Variants in LPP observed in about 807,000 individuals in gnomAD.
LPP encodes LIM domain containing preferred translocation partner in lipoma.
Under a neutral mutation model 60.4 loss-of-function variants are expected in LPP, and 38 were observed. That is an observed-to-expected ratio of 0.63 (90% CI 0.49 to 0.83). The LOEUF is 0.83. Ranked by LOEUF, LPP falls within the 40% of genes least tolerant of loss-of-function variation. The pLI is 0.00. For synonymous variants in LPP, 328 were observed against 290.8 expected (o/e 1.13, Z -1.30); for missense variants, 902 against 783.6 (o/e 1.15, Z -1.80).
intron 4 of LPP, among the ~76,000 whole-genome samples, chr3:188,481,812 G>C (rs1804859276): frequency 6.6e-6 from 1 of 152,178 alleles, no homozygotes; most frequent in African/African-American, 2.4e-5. Flanking sequence ...GTTCAGTTCT[G>C]ATACTGTCTG....
chr3:188,682,499 T>G (rs1404636609), intron 7 of LPP, among the ~76,000 whole-genome samples: 1 of 152,222 alleles, frequency 6.6e-6, no homozygotes, highest in Non-Finnish European at 1.5e-5. Flanking sequence ...CTATCAGGGC[T>G]GTGTCTTGGT....
intron 8 of LPP, among the ~76,000 whole-genome samples, chr3:188,716,562 G>A (rs1168579320): frequency 6.6e-6 from 1 of 152,178 alleles, no homozygotes; most frequent in African/African-American, 2.4e-5. Context: ...TATGGAGAGA[G>A]GAAAACCTAG....
chr3:188,160,144 T>A (rs2148686956), intron 1 of LPP, among the ~76,000 whole-genome samples: 1 of 152,188 alleles, frequency 6.6e-6, no homozygotes. Context: ...ACTCCTGACC[T>A]CGTGATCCAC....
At chr3:188,655,831 C>T (rs1853066586) in intron 7 of LPP, among the ~76,000 whole-genome samples, 1 of 152,056 alleles carries the variant, frequency 6.6e-6, no homozygotes, top group African/African-American at 2.4e-5. Context: ...CTACCATATG[C>T]AGCTCTTACC....
At chr3:188,483,051 G>C (rs556427824) in intron 4 of LPP, among the ~76,000 whole-genome samples, 50 of 152,266 alleles carry the variant, frequency 3.3e-4, no homozygotes, top group Admixed American at 9.8e-4. Context: ...AGCTTTAAGG[G>C]TTGTTGTATG....
intron 9 of LPP, among the ~76,000 whole-genome samples, chr3:188,819,529 G>T (rs1160585600): frequency 1.3e-5 from 2 of 152,100 alleles, no homozygotes; most frequent in African/African-American, 2.4e-5. Context: ...TTTGTTGAAG[G>T]GTATTGTAAT....
intron 7 of LPP, among the ~76,000 whole-genome samples, chr3:188,680,184 C>A (rs1037702249): frequency 6.6e-6 from 1 of 152,082 alleles, no homozygotes; most frequent in Non-Finnish European, 1.5e-5. Flanking sequence ...CTTTCCTTTC[C>A]AACCTTCATG....
chr3:188,686,411 T>C (rs1430307115), intron 7 of LPP, among the ~76,000 whole-genome samples: 2 of 152,142 alleles, frequency 1.3e-5, no homozygotes, highest in African/African-American at 2.4e-5. Context: ...TCTTACCCTA[T>C]TAGCTGTTTC....
chr3:188,660,369 C>T (rs1168617327), intron 7 of LPP, among the ~76,000 whole-genome samples: 1 of 152,156 alleles, frequency 6.6e-6, no homozygotes, highest in African/African-American at 2.4e-5. Flanking sequence ...CAAAAACATT[C>T]AATAATGTGT....
At chr3:188,206,894 G>T (rs1577292925) in intron 1 of LPP, among the ~76,000 whole-genome samples, 2 of 152,128 alleles carry the variant, frequency 1.3e-5, no homozygotes, top group East Asian at 3.9e-4. Context: ...ATGAGATAAT[G>T]TATGTAACCT....
intron 1 of LPP, among the ~76,000 whole-genome samples, chr3:188,203,516 AAT>A (rs1287313349): frequency 1.7e-4 from 11 of 64,508 alleles, no homozygotes; most frequent in South Asian, 1.3e-3. Context: ...TATATATTTA[AAT>A]ATATATAAAT....
At chr3:188,281,474 C>T (rs1412518227) in intron 2 of LPP, among the ~76,000 whole-genome samples, 2 of 151,648 alleles carry the variant, frequency 1.3e-5, no homozygotes, top group African/African-American at 2.4e-5. Context: ...CATGATGGTT[C>T]GTGCCTGTAA....
intron 9 of LPP, among the ~76,000 whole-genome samples, chr3:188,860,190 A>G (rs1764852094): frequency 6.6e-6 from 1 of 152,068 alleles, no homozygotes; most frequent in Non-Finnish European, 1.5e-5. Context: ...AGCAAACCCA[A>G]AAGTACTGCC....
At position 188,267,543 on chromosome 3, in the gene LPP, C is replaced by T. The variant is rs762719137; in HGVS notation, c.-67+42016C>T. ...GGTGGAAGATCTCATAGGCTTCTAG[C>T]CAGGGCCGAGTTATCTCCCCAGAAG... On this transcript the variant is annotated intron_variant, in intron 2 of 11. Transcript: ENST00000617246. Among the ~76,000 whole-genome samples, 16 of 152,178 alleles carry T rather than the reference C, an allele frequency of 1.1e-4. 1 individual carries two copies. The highest frequency in any genetic ancestry group is 1.8e-4 in the Non-Finnish European group (12 of 68,032).
intron 4 of LPP, among the ~76,000 whole-genome samples, chr3:188,444,828 A>C (rs1210570326): frequency 6.6e-6 from 1 of 152,208 alleles, no homozygotes; most frequent in Non-Finnish European, 1.5e-5. Context: ...GGCAAAGGAT[A>C]TGAACAGGCA....
At chr3:188,353,126 T>C (rs916324714) in intron 3 of LPP, among the ~76,000 whole-genome samples, 1 of 152,226 alleles carries the variant, frequency 6.6e-6, no homozygotes, top group Non-Finnish European at 1.5e-5. Context: ...TAATGTCAAG[T>C]ATTTTTCCAA....
chr3:188,240,771 G>A, intron 2 of LPP, among the ~76,000 whole-genome samples: 1 of 152,106 alleles, frequency 6.6e-6, no homozygotes, highest in East Asian at 1.9e-4. Flanking sequence ...GGAGGGGCGA[G>A]CTCCAAATGC....
chr3:188,317,495 C>A (rs1424998780), intron 2 of LPP, among the ~76,000 whole-genome samples: 1 of 152,150 alleles, frequency 6.6e-6, no homozygotes, highest in East Asian at 1.9e-4. Context: ...GTTAAATGGG[C>A]ATTCAAATCT....
intron 1 of LPP, among the ~76,000 whole-genome samples, chr3:188,172,363 C>T (rs1721828162): frequency 6.6e-6 from 1 of 152,116 alleles, no homozygotes; most frequent in Non-Finnish European, 1.5e-5. Flanking sequence ...TTGCCTCATC[C>T]ATAAAATAAT....
Sources: gnomAD v4.1 joint callset for allele counts (sites outside exome capture counted in the v4.1 genomes callset) on GRCh38, gnomAD v4.1.1 for gene constraint, MANE v1.5 for transcripts, NCBI Gene and HGNC (gene_info 2026-07-23, HGNC 2026-07-21) for gene names.